The following SIRPG variants were observed in gnomAD, a reference collection of about 807,000 sequenced individuals.
SIRPG encodes signal regulatory protein gamma.
SIRPG carries 38 observed loss-of-function variants against 35.7 expected under a neutral mutation model. That is an observed-to-expected ratio of 1.06 (90% confidence interval 0.82 to 1.40). The LOEUF (loss-of-function observed/expected upper bound fraction) is 1.40, where lower values mean the gene tolerates loss of function less well. Among genes scored for constraint, SIRPG ranks in the 40% most tolerant of loss-of-function variants. SIRPG has a pLI of 0.00. For synonymous variants in SIRPG, 215 were observed against 190.4 expected (o/e 1.13, Z -1.06); for missense variants, 519 against 483.0 (o/e 1.07, Z -0.70).
chr20:1,657,284 C>T (rs900526704), intron 1 of SIRPG, among the ~76,000 whole-genome samples: 16 of 152,100 alleles, frequency 1.1e-4, no homozygotes, highest in South Asian at 2.1e-4. Context: ...GAATATAGGA[C>T]GCTGTAAGCA....
At chr20:1,683,361 A>G in the SIRPG span, among the ~76,000 whole-genome samples, 52 of 152,368 alleles carry the variant, frequency 3.4e-4, 1 homozygote, top group Middle Eastern at 3.4e-3. Context: ...AATTAAAAAT[A>G]GAACTATCAT....
intron 1 of SIRPG, among the ~76,000 whole-genome samples, chr20:1,654,236 T>TAAAAAAA (rs78737562): frequency 3.5e-5 from 4 of 115,462 alleles, no homozygotes; most frequent in Non-Finnish European, 3.7e-5. Flanking sequence ...AGACTGCATC[T>TAAAAAAA]AAAAAAAAAA....
chr20:1,664,402 G>A, the SIRPG span, among the ~76,000 whole-genome samples: 3 of 152,162 alleles, frequency 2.0e-5, no homozygotes, highest in Admixed American at 1.3e-4. Flanking sequence ...TGGAGTAGGC[G>A]GGAATCCAGA....
rs191584450 is a variant in SIRPG, at chr20:1,630,126, C to T, written c.*2+96G>A. ...AGGGTGCGGAGGGAGCTTAACTCCA[C>T]GGACCCTGGTGCTGCATGGCATGTG... On this transcript the variant is annotated intron_variant, in intron 5 of 5. Coordinates refer to ENST00000303415, the MANE Select transcript of SIRPG (RefSeq NM_018556.4). 2.2e-4 allele frequency: 208 copies of T among 966,086 alleles called. No homozygotes were observed. The East Asian group carries it at 3.2e-3, about 15-fold the overall frequency. 59.8% of individuals were successfully genotyped at this position (966,086 alleles called of 1,614,324 possible). A position where few individuals can be genotyped will look rare whatever the true frequency, so the allele number is the denominator to read the frequency against.
At chr20:1,682,915 G>T in the SIRPG span, among the ~76,000 whole-genome samples, 9,647 of 152,126 alleles carry the variant, frequency 0.063, 1,012 homozygotes, top group African/African-American at 0.22. Context: ...AATGAATGTG[G>T]GATTACATAC....
intron 2 of SIRPG, chr20:1,648,596 G>C (rs1423130080): frequency 6.6e-6 from 1 of 152,478 alleles, no homozygotes; most frequent in Non-Finnish European, 1.5e-5. Flanking sequence ...CTGGCACACA[G>C]TGGGTTCTCA....
the SIRPG span, among the ~76,000 whole-genome samples, chr20:1,665,982 C>T: frequency 1.3e-5 from 2 of 152,180 alleles, no homozygotes; most frequent in East Asian, 3.9e-4. Flanking sequence ...GAGATGACAG[C>T]TCTAGGCGGG....
chr20:1,635,638 C>A, intron 3 of SIRPG, 39 bp from the exon 4 acceptor site: 1 of 1,597,224 alleles, frequency 6.3e-7, no homozygotes, highest in Non-Finnish European at 8.6e-7. Flanking sequence ...TCTTCTGGCA[C>A]AGACAGATCA....
chr20:1,672,306 A>G, the SIRPG span, among the ~76,000 whole-genome samples: 3 of 152,232 alleles, frequency 2.0e-5, no homozygotes, highest in African/African-American at 7.2e-5. Flanking sequence ...TGAGGTATTT[A>G]TGAATTTGTT....
chr20:1,677,558 G>A, the SIRPG span, among the ~76,000 whole-genome samples: 1 of 152,190 alleles, frequency 6.6e-6, no homozygotes, highest in African/African-American at 2.4e-5. Context: ...AAATAACATT[G>A]TTTTAAGCCC....
chr20:1,657,663 T>C lies in SIRPG; in HGVS notation c.52A>G (p.Thr18Ala). 2 of 1,613,990 alleles carry C rather than the reference T, an allele frequency of 1.2e-6. No individual in the cohort carries two copies. The highest frequency in any genetic ancestry group is 1.7e-6 in the Non-Finnish European group (2 of 1,179,978). Residue 18 changes from threonine (T) to alanine (A), a missense_variant, in exon 1 of 6, where the codon ACT becomes GCT. Coordinates refer to ENST00000303415, the MANE Select transcript of SIRPG (RefSeq NM_018556.4). ...PHPPGPFLLLTLLLGLTEVAG... is the reference protein window; with the variant it reads ...PHPPGPFLLLALLLGLTEVAG... The stretch of plus-strand genomic sequence containing the variant: ...TCACCTGTAAGTCCCAGCAGTAGAG[T>C]CAGAAGCAGGAAAGGACCAGGAGGA...
At chr20:1,648,901 T>C (rs6110775) in intron 2 of SIRPG, 151 bp downstream of exon 2, 515,374 of 729,606 alleles carry the variant, frequency 0.71, 183,391 homozygotes, top group East Asian at 0.85. Flanking sequence ...GTCCCTGGGC[T>C]TCAACTCACC....
chr20:1,632,885 A>T (rs968477566), intron 4 of SIRPG, among the ~76,000 whole-genome samples: 1 of 151,936 alleles, frequency 6.6e-6, no homozygotes, highest in Non-Finnish European at 1.5e-5. Context: ...AGGAGACAGG[A>T]ATTAATAAAA....
At chr20:1,642,995 C>A (rs1432921066) in intron 2 of SIRPG, among the ~76,000 whole-genome samples, 6 of 152,120 alleles carry the variant, frequency 3.9e-5, no homozygotes, top group Non-Finnish European at 8.8e-5. Context: ...TTTGGCTGCC[C>A]TTAACATTTT....
the SIRPG span, among the ~76,000 whole-genome samples, chr20:1,675,557 CA>C: frequency 1.3e-5 from 2 of 152,158 alleles, no homozygotes; most frequent in African/African-American, 4.8e-5. Context: ...GTTGCAGAGA[CA>C]GGGGCTGTGA....
the SIRPG span, among the ~76,000 whole-genome samples, chr20:1,686,004 C>A: frequency 1.3e-5 from 2 of 152,298 alleles, no homozygotes; most frequent in East Asian, 3.9e-4. Context: ...GTTCCCAAAA[C>A]CTACTGCTCA....
chr20:1,684,312 T>C, the SIRPG span, among the ~76,000 whole-genome samples: 1 of 152,184 alleles, frequency 6.6e-6, no homozygotes, highest in Non-Finnish European at 1.5e-5. Flanking sequence ...ATACATTTCT[T>C]TTCTGAGACA....
intron 1 of SIRPG, among the ~76,000 whole-genome samples, chr20:1,652,665 C>T (rs900746008): frequency 2.7e-4 from 41 of 152,144 alleles, no homozygotes; most frequent in East Asian, 2.5e-3. Flanking sequence ...CATCTATTTA[C>T]GATGAAAACA....
At chr20:1,681,785 G>T in the SIRPG span, among the ~76,000 whole-genome samples, 1 of 152,156 alleles carries the variant, frequency 6.6e-6, no homozygotes, top group Non-Finnish European at 1.5e-5. Flanking sequence ...GCAGTGAGCT[G>T]AGATCGCAAC....
Sources: gnomAD v4.1 joint callset for allele counts (sites outside exome capture counted in the v4.1 genomes callset) on GRCh38, gnomAD v4.1.1 for gene constraint, MANE v1.5 for transcripts, NCBI Gene and HGNC (gene_info 2026-07-23, HGNC 2026-07-21) for gene names.